MAP2K4: variants seen among roughly 807,000 people sequenced by gnomAD.
MAP2K4 encodes mitogen-activated protein kinase kinase 4, also known as dual specificity mitogen-activated protein kinase kinase 4.
A neutral mutation model predicts 48.5 loss-of-function variants in MAP2K4; 4 were observed. That is an observed-to-expected ratio of 0.08 (90% CI 0.04 to 0.19). MAP2K4 has a LOEUF of 0.19. Ranked by LOEUF, MAP2K4 falls within the 10% of genes least tolerant of loss-of-function variation. MAP2K4 has a pLI of 1.00. For missense variants in MAP2K4, 258 were observed against 493.3 expected, an observed-to-expected ratio of 0.52 and a Z score of 4.52; for synonymous variants, 166 against 173.1, an observed-to-expected ratio of 0.96 and a Z score of 0.32.
chr17:12,106,510 C>T (rs1025569988), intron 4 of MAP2K4, among the ~76,000 whole-genome samples: 1 of 152,034 alleles, frequency 6.6e-6, no homozygotes, highest in Non-Finnish European at 1.5e-5. Context: ...GGATTCTATT[C>T]ATGGGTAGTG....
chr17:12,024,151 C>T (rs1361516776), intron 1 of MAP2K4, among the ~76,000 whole-genome samples: 1 of 152,050 alleles, frequency 6.6e-6, no homozygotes, highest in Non-Finnish European at 1.5e-5. Flanking sequence ...CTTCAAACTC[C>T]GGATCTGTTT....
chr17:12,047,701 T>C (rs1232971313), intron 1 of MAP2K4, among the ~76,000 whole-genome samples: 1 of 152,258 alleles, frequency 6.6e-6, no homozygotes, highest in Non-Finnish European at 1.5e-5. Flanking sequence ...TTTTCCAGTT[T>C]TCTTCTCTAG....
intron 7 of MAP2K4, among the ~76,000 whole-genome samples, chr17:12,114,872 GTAAGACTT>G (rs1972436079): frequency 6.6e-6 from 1 of 152,212 alleles, no homozygotes; most frequent in Non-Finnish European, 1.5e-5. Flanking sequence ...CCCAGGAGAT[GTAAGACTT>G]CTGTTTTCTT....
chr17:12,094,009 G>T (rs1166609021), intron 3 of MAP2K4, among the ~76,000 whole-genome samples: 1 of 152,110 alleles, frequency 6.6e-6, no homozygotes, highest in East Asian at 1.9e-4. Flanking sequence ...TGCTGAAGTT[G>T]ATTTAAAAGT....
intron 1 of MAP2K4, among the ~76,000 whole-genome samples, chr17:12,023,606 C>T (rs1418376318): frequency 4.6e-5 from 7 of 152,232 alleles, no homozygotes; most frequent in Non-Finnish European, 7.3e-5. Context: ...AGACATTGGA[C>T]ATCCTCTTAT....
intron 7 of MAP2K4, among the ~76,000 whole-genome samples, chr17:12,122,215 G>A (rs958057983): frequency 2.6e-5 from 4 of 152,240 alleles, no homozygotes; most frequent in African/African-American, 9.6e-5. Context: ...CTGAGGATGA[G>A]AGGAATACAT....
intron 3 of MAP2K4, among the ~76,000 whole-genome samples, chr17:12,083,617 A>G (rs1455088852): frequency 6.6e-6 from 1 of 152,254 alleles, no homozygotes; most frequent in Non-Finnish European, 1.5e-5. Flanking sequence ...CCATGACTTC[A>G]TTAATACTGG....
intron 10 of MAP2K4, 57 bp from the exon 11 acceptor site, chr17:12,141,090 G>A: frequency 9.6e-7 from 1 of 1,038,776 alleles, no homozygotes; most frequent in South Asian, 1.3e-5. Context: ...ATTGGAAAAT[G>A]TTCAGTTTGG....
chr17:12,046,422 T>C (rs1454500683), intron 1 of MAP2K4, among the ~76,000 whole-genome samples: 1 of 152,208 alleles, frequency 6.6e-6, no homozygotes, highest in Non-Finnish European at 1.5e-5. Context: ...TAGGGCCTTC[T>C]TTGATTAGCT....
At chr17:12,099,971 C>T (rs1359152299) in intron 4 of MAP2K4, among the ~76,000 whole-genome samples, 1 of 152,142 alleles carries the variant, frequency 6.6e-6, no homozygotes, top group East Asian at 1.9e-4. Flanking sequence ...GTGATGCTGG[C>T]TGAAGCAAGT....
intron 3 of MAP2K4, among the ~76,000 whole-genome samples, chr17:12,083,672 A>G (rs28923188): frequency 7.4e-4 from 112 of 152,364 alleles, no homozygotes; most frequent in African/African-American, 2.6e-3. Context: ...ATTTGATACC[A>G]ATTGATGACA....
intron 2 of MAP2K4, among the ~76,000 whole-genome samples, chr17:12,062,369 T>A (rs1212229865): frequency 2.0e-5 from 3 of 152,214 alleles, no homozygotes; most frequent in Non-Finnish European, 4.4e-5. Flanking sequence ...AGGATCTTGC[T>A]CTGTTGCCCT....
At chr17:12,098,339 G>A (rs939725792) in intron 4 of MAP2K4, among the ~76,000 whole-genome samples, 2 of 151,950 alleles carry the variant, frequency 1.3e-5, no homozygotes, top group African/African-American at 2.4e-5. Flanking sequence ...TTAGCCAGGC[G>A]TGGTGGCACA....
intron 7 of MAP2K4, among the ~76,000 whole-genome samples, chr17:12,114,299 C>T (rs1972407942): frequency 6.6e-6 from 1 of 152,122 alleles, no homozygotes; most frequent in African/African-American, 2.4e-5. Flanking sequence ...AGTGCTACTA[C>T]AAATTCAACT....
chr17:12,060,301 A>G (rs1434677983), intron 2 of MAP2K4, among the ~76,000 whole-genome samples: 1 of 152,190 alleles, frequency 6.6e-6, no homozygotes, highest in Non-Finnish European at 1.5e-5. Flanking sequence ...CAATTTAGGC[A>G]TTGAATTAGA....
At position 12,129,406 on chromosome 17, in the gene MAP2K4, T is replaced by G. The variant is rs1386014927; in HGVS notation, c.1040+119T>G. ...GGGACCCTTGGTCACATCACCCTAC[T>G]TTTCAAGCTGGGACTCTGGATCACT... On this transcript the variant is annotated intron_variant, in intron 9 of 10. Coordinates refer to ENST00000353533, the MANE Select transcript of MAP2K4 (RefSeq NM_003010.4). 38 of 1,177,700 alleles carry G rather than the reference T, an allele frequency of 3.2e-5. 1 individual carries two copies. The highest frequency in any genetic ancestry group is 4.1e-5 in the Non-Finnish European group (33 of 809,960). 73.0% of individuals were successfully genotyped at this position (1,177,700 alleles called of 1,614,324 possible). A position where few individuals can be genotyped will look rare whatever the true frequency, so the allele number is the denominator to read the frequency against.
At chr17:12,022,949 TCTAG>T (rs549160956) in intron 1 of MAP2K4, among the ~76,000 whole-genome samples, 156 of 152,278 alleles carry the variant, frequency 1.0e-3, no homozygotes, top group Admixed American at 2.0e-3. Context: ...CTTGGAGTGT[TCTAG>T]GAACTCCTAA....
At chr17:12,042,549 G>A (rs1184424145) in intron 1 of MAP2K4, among the ~76,000 whole-genome samples, 1 of 152,138 alleles carries the variant, frequency 6.6e-6, no homozygotes, top group African/African-American at 2.4e-5. Context: ...GCTGAGGTGG[G>A]AGTATCGCCT....
chr17:12,104,586 T>C (rs1292070629), intron 4 of MAP2K4, among the ~76,000 whole-genome samples: 1 of 152,176 alleles, frequency 6.6e-6, no homozygotes, highest in Non-Finnish European at 1.5e-5. Context: ...GCCTTTGATA[T>C]AATTCTACTG....
Sources: gnomAD v4.1 joint callset for allele counts (sites outside exome capture counted in the v4.1 genomes callset) on GRCh38, gnomAD v4.1.1 for gene constraint, MANE v1.5 for transcripts, NCBI Gene and HGNC (gene_info 2026-07-23, HGNC 2026-07-21) for gene names.